SLC4A4: variants seen among roughly 807,000 people sequenced by gnomAD.
The protein encoded by SLC4A4 is electrogenic sodium bicarbonate cotransporter 1.
Under a neutral mutation model 111.5 loss-of-function variants are expected in SLC4A4, and 27 were observed. That is an observed-to-expected ratio of 0.24 (90% CI 0.18 to 0.33). The LOEUF (loss-of-function observed/expected upper bound fraction) is 0.33. Ranked by LOEUF, SLC4A4 falls within the 10% of genes least tolerant of loss-of-function variation. The probability of loss-of-function intolerance (pLI) is 1.00; values close to 1 mark genes in which losing one functional copy is unlikely to be tolerated. For missense variants in SLC4A4, 909 were observed against 1,315.5 expected, an observed-to-expected ratio of 0.69 and a Z score of 4.78; for synonymous variants, 443 against 463.4, an observed-to-expected ratio of 0.96 and a Z score of 0.57.
chr4:71,519,698 G>T (rs1732755002), intron 16 of SLC4A4, among the ~76,000 whole-genome samples: 1 of 152,114 alleles, frequency 6.6e-6, no homozygotes, highest in Non-Finnish European at 1.5e-5. Flanking sequence ...GCAGTGGCAT[G>T]ACCTTGGGTC....
rs545022344 is a variant in SLC4A4, at chr4:71,353,870, C to G, written c.551-3138C>G. On this transcript the variant is annotated intron_variant, in intron 5 of 25. Transcript: ENST00000264485. ...TGAGAGGCATCTCACCCTGCAGGCT[C>G]AAAGACAGCGCCACACCATGTGAGG... Among the ~76,000 whole-genome samples, 7 of 152,330 alleles carry G rather than the reference C, an allele frequency of 4.6e-5. No individual in the cohort carries two copies. In the South Asian group the frequency reaches 1.5e-3, roughly 32 times the overall value.
At chr4:71,437,423 T>C (rs1366284598) in intron 7 of SLC4A4, 1 of 296,160 alleles carries the variant, frequency 3.4e-6, no homozygotes, top group African/African-American at 2.2e-5. Flanking sequence ...CTGGAAATAA[T>C]TAATTTAAAA....
At chr4:71,408,805 T>A (rs1459521421) in intron 7 of SLC4A4, among the ~76,000 whole-genome samples, 2 of 152,238 alleles carry the variant, frequency 1.3e-5, no homozygotes, top group African/African-American at 4.8e-5. Flanking sequence ...CTAGTACTTA[T>A]TATTTTCATC....
At chr4:71,380,149 C>T (rs942376917) in intron 6 of SLC4A4, among the ~76,000 whole-genome samples, 3 of 152,178 alleles carry the variant, frequency 2.0e-5, no homozygotes, top group African/African-American at 7.2e-5. Context: ...TTTTCTGTGG[C>T]TGCTGATAGT....
chr4:71,225,753 T>C (rs571555185), intron 1 of SLC4A4, among the ~76,000 whole-genome samples: 2 of 152,314 alleles, frequency 1.3e-5, no homozygotes, highest in East Asian at 3.9e-4. Context: ...CCCTGTGTCC[T>C]GGAACAAACT....
chr4:71,377,343 A>C (rs151236176), intron 6 of SLC4A4, among the ~76,000 whole-genome samples: 1 of 152,352 alleles, frequency 6.6e-6, no homozygotes, highest in East Asian at 1.9e-4. Flanking sequence ...GTAATAATTG[A>C]AAGTATTGAA....
At chr4:71,070,812 AC>A (rs1741641144) in intron 1 of SLC4A4, among the ~76,000 whole-genome samples, 1 of 152,176 alleles carries the variant, frequency 6.6e-6, no homozygotes, top group Non-Finnish European at 1.5e-5. Flanking sequence ...TGACTTTTAA[AC>A]CTTGGTGCTA....
chr4:71,450,480 C>G lies in SLC4A4; in HGVS notation c.1145C>G (p.Pro382Arg). 1.2e-6 allele frequency: 2 copies of G among 1,613,734 alleles called. No homozygotes were observed. The highest frequency in any genetic ancestry group is 1.7e-6 in the Non-Finnish European group (2 of 1,179,792). ...CTAGATGAAGTCATCGTCCTTCCAC[C>G]TGGGGAATGGGATCCAGCAATTAGG... ...EFLDEVIVLP[P>R]GEWDPAIRIE... Residue 382 changes from proline (P) to arginine (R), a missense_variant, in exon 10 of 26, where the codon CCT (proline) becomes CGT (arginine). Transcript: ENST00000264485.
intron 15 of SLC4A4, among the ~76,000 whole-genome samples, chr4:71,494,615 T>C (rs1485027795): frequency 6.6e-6 from 1 of 152,064 alleles, no homozygotes; most frequent in Non-Finnish European, 1.5e-5. Flanking sequence ...ATGCCAGTAC[T>C]GTCTTGTTCT....
At chr4:71,155,224 C>G (rs1165294717) in intron 2 of SLC4A4, among the ~76,000 whole-genome samples, 1 of 152,090 alleles carries the variant, frequency 6.6e-6, no homozygotes, top group Admixed American at 6.5e-5. Context: ...GTATGTTAAA[C>G]AAATTGAGAT....
chr4:71,442,234 G>C (rs1256756213), intron 8 of SLC4A4, among the ~76,000 whole-genome samples: 1 of 152,006 alleles, frequency 6.6e-6, no homozygotes, highest in Non-Finnish European at 1.5e-5. Flanking sequence ...CATTTTTTGT[G>C]TCCTGCTTAT....
At chr4:71,501,644 T>C (rs1730932649) in intron 16 of SLC4A4, among the ~76,000 whole-genome samples, 1 of 151,126 alleles carries the variant, frequency 6.6e-6, no homozygotes, top group Admixed American at 6.6e-5. Flanking sequence ...TTAATTTAAT[T>C]AATTAGTTAA....
chr4:71,098,962 G>A (rs747200370), intron 2 of SLC4A4, among the ~76,000 whole-genome samples: 2 of 152,122 alleles, frequency 1.3e-5, no homozygotes, highest in Non-Finnish European at 2.9e-5. Context: ...TATAAAGCAA[G>A]TTCTTGGAGA....
At chr4:71,373,821 G>T (rs1732100096) in intron 6 of SLC4A4, among the ~76,000 whole-genome samples, 1 of 152,160 alleles carries the variant, frequency 6.6e-6, no homozygotes. Context: ...TGCAAGAAAT[G>T]TTATAGGAAT....
At chr4:71,187,711 G>A (rs944413274) in intron 1 of SLC4A4, among the ~76,000 whole-genome samples, 31 of 152,202 alleles carry the variant, frequency 2.0e-4, no homozygotes, top group Non-Finnish European at 3.8e-4. Context: ...GAGGACTGCG[G>A]GGCCAGTTCT....
chr4:71,303,663 T>C (rs1486005728), intron 3 of SLC4A4, among the ~76,000 whole-genome samples: 4 of 152,204 alleles, frequency 2.6e-5, no homozygotes, highest in Non-Finnish European at 5.9e-5. Flanking sequence ...TTTGAAGTCT[T>C]CCTGCTCCTT....
At chr4:71,554,800 T>C (rs530565057) in intron 20 of SLC4A4, among the ~76,000 whole-genome samples, 47 of 151,810 alleles carry the variant, frequency 3.1e-4, no homozygotes, top group Non-Finnish European at 4.7e-4. Flanking sequence ...TCACAGTCCA[T>C]AGAAGCATCT....
chr4:71,096,155 G>A (rs1742540661), intron 2 of SLC4A4, among the ~76,000 whole-genome samples: 1 of 152,108 alleles, frequency 6.6e-6, no homozygotes, highest in African/African-American at 2.4e-5. Context: ...TGGGAAGTAT[G>A]CCTCTGGAAA....
At chr4:71,465,539 A>G (rs1224778426) in intron 12 of SLC4A4, among the ~76,000 whole-genome samples, 1 of 150,778 alleles carries the variant, frequency 6.6e-6, no homozygotes, top group Non-Finnish European at 1.5e-5. Context: ...AAACCACGAT[A>G]ACTTTTGCAC....
Sources: allele counts gnomAD v4.1 joint callset (sites outside exome capture counted in the v4.1 genomes callset), GRCh38; gene constraint gnomAD v4.1.1; transcripts MANE v1.5; gene names NCBI Gene and HGNC (gene_info 2026-07-23, HGNC 2026-07-21).